Variants in NSUN4 observed in about 807,000 individuals in gnomAD.
The protein encoded by NSUN4 is NOP2/Sun RNA methyltransferase 4.
A neutral mutation model predicts 43.8 loss-of-function variants in NSUN4; 31 were observed. The ratio of observed to expected loss-of-function variants is 0.71; its 90% confidence interval spans 0.53 to 0.96. NSUN4 has a LOEUF of 0.96. NSUN4 is among the 40% of genes least tolerant of loss of function. The pLI, the probability that NSUN4 is intolerant of heterozygous loss-of-function variation, is 0.00. For missense variants in NSUN4, 439 were observed against 475.6 expected, an observed-to-expected ratio of 0.92 and a Z score of 0.72; for synonymous variants, 167 against 184.1, an observed-to-expected ratio of 0.91 and a Z score of 0.75.
rs1663924497 is a variant in NSUN4 at position 46,362,112 on chromosome 1, A to C, written c.*266A>C. 2 of 499,030 alleles carry C rather than the reference A, an allele frequency of 4.0e-6. No homozygotes were observed. 30.9% of individuals were successfully genotyped at this position (499,030 alleles called of 1,614,324 possible). A position where few individuals can be genotyped will look rare whatever the true frequency, so the allele number is the denominator to read the frequency against. ...GTTTGCTGCCCGCTTAGGGGCTTAG[A>C]AGGAGAAGCCAGTGAGCAGGCTCAC... On this transcript the variant is annotated 3_prime_UTR_variant, in exon 6 of 6. Transcript: ENST00000474844.
At chr1:46,356,178 C>T (rs2148402700) in intron 4 of NSUN4, among the ~76,000 whole-genome samples, 1 of 152,228 alleles carries the variant, frequency 6.6e-6, no homozygotes, top group South Asian at 2.1e-4. Flanking sequence ...CTTAAGTGAT[C>T]CTCCTACCTC....
In NSUN4 at chr1:46,361,683, A is replaced by G. The variant is rs1047350174; in HGVS notation, c.992A>G (p.Gln331Arg). The G allele has an allele frequency of 1.2e-6, 2 of 1,614,062 alleles. No individual in the cohort carries two copies. Among genetic ancestry groups the G allele is most frequent in the African/African-American group, 2.7e-5 (2 of 74,912 alleles). Residue 331 changes from glutamine to arginine, a missense_variant, in exon 6 of 6, where the codon CAA becomes CGA. By Grantham distance (43) the Gln-to-Arg change is conservative. Coordinates refer to ENST00000474844, the MANE Select transcript of NSUN4 (RefSeq NM_199044.4). Reference sequence around the variant, plus strand: ...GGTGCCATTGAGCTCCTGGCCAATCAATACAGCATCCAGGTACAGGTGGAA... The same window carrying G: ...GGTGCCATTGAGCTCCTGGCCAATCGATACAGCATCCAGGTACAGGTGGAA... ...VQGAIELLAN[Q>R]YSIQVQVEDL...
chr1:46,362,885 C>G lies in NSUN4; in HGVS notation c.*1039C>G, dbSNP rs1044652796. 6.6e-6 allele frequency: 1 copy of G among 151,866 alleles called. No individual in the cohort carries two copies. Among genetic ancestry groups the G allele is most frequent in the Non-Finnish European group, 1.5e-5 (1 of 68,004 alleles). 9.4% of individuals were successfully genotyped at this position (151,866 alleles called of 1,614,324 possible). ...TTTCATCATTTACTGACTGCATACT[C>G]GATATGTTGTTTTTGTAACTTTAGC... is the stretch of plus-strand genomic sequence containing the variant. On this transcript the variant is annotated 3_prime_UTR_variant, in exon 6 of 6. Transcript: ENST00000474844.
At position 46,352,949 on chromosome 1, in the gene NSUN4, TC is replaced by T; in HGVS notation, c.675del (p.Arg226GlyfsTer116). On this transcript the variant is annotated frameshift_variant, in exon 4 of 6. Coordinates refer to ENST00000474844, the MANE Select transcript of NSUN4 (RefSeq NM_199044.4). LOFTEE classifies it high-confidence loss of function. ...CTTCACAGCTATGTGCCTGAAGAGA[TC>T]AGGGATGGAAATCAAGTTCGAGTTA... is the stretch of plus-strand genomic sequence containing the variant. ...KILHSYVPEEIRDGNQVRVTS... is the reference protein window; with the variant it reads ...KILHSYVPEEXRDGNQVRVTS... 3.1e-6 allele frequency: 5 copies of T among 1,614,092 alleles called. No individual in the cohort carries two copies. Among genetic ancestry groups the T allele is most frequent in the Non-Finnish European group, 4.2e-6 (5 of 1,179,976 alleles).
Position 46,361,513 on chromosome 1 carries a change from G to A in NSUN4, c.879-57G>A, listed in dbSNP as rs1023836691. ...ATCCATGTTTCCAGCTCCTTATGTT[G>A]CTCTTCTACTGCTGGGAAGCTCACT... On this transcript the variant is annotated intron_variant, in intron 5 of 5. Transcript: ENST00000474844. 5.9e-6 allele frequency: 9 copies of A among 1,518,462 alleles called. No individual in the cohort carries two copies. The African/African-American group carries it at 1.1e-4, about 19-fold the overall frequency. 94.1% of individuals were successfully genotyped at this position (1,518,462 alleles called of 1,614,324 possible).
chr1:46,372,876 C>T, the NSUN4 span, among the ~76,000 whole-genome samples: 1 of 152,182 alleles, frequency 6.6e-6, no homozygotes, highest in South Asian at 2.1e-4. Context: ...GCACGTGCCA[C>T]CACGCCCAGT....
chr1:46,346,186 T>C (rs1428037050), intron 2 of NSUN4, among the ~76,000 whole-genome samples: 1 of 149,180 alleles, frequency 6.7e-6, no homozygotes, highest in Non-Finnish European at 1.5e-5. Context: ...TACCAAATGC[T>C]AGGCATTTAA....
chr1:46,374,105 G>A, the NSUN4 span, among the ~76,000 whole-genome samples: 4 of 151,970 alleles, frequency 2.6e-5, no homozygotes, highest in South Asian at 2.1e-4. Context: ...TGCGCAACAC[G>A]GTGAAACCCC....
the NSUN4 span, among the ~76,000 whole-genome samples, chr1:46,372,467 G>A: frequency 6.6e-6 from 1 of 152,034 alleles, no homozygotes; most frequent in African/African-American, 2.4e-5. Flanking sequence ...TACATGGCCA[G>A]GCTGAGTCTT....
chr1:46,381,090 T>G, the NSUN4 span, among the ~76,000 whole-genome samples: 1 of 152,116 alleles, frequency 6.6e-6, no homozygotes, highest in Non-Finnish European at 1.5e-5. Flanking sequence ...CTAAAACACT[T>G]GCTCTGAATC....
downstream of NSUN4, among the ~76,000 whole-genome samples, chr1:46,368,025 A>G (rs560717087): frequency 5.9e-5 from 9 of 152,252 alleles, no homozygotes; most frequent in East Asian, 1.7e-3. Context: ...TTGGCCTCCC[A>G]AAGTGCTAGG....
chr1:46,345,638 A>C (rs6697123), intron 2 of NSUN4, among the ~76,000 whole-genome samples: 34,153 of 152,180 alleles, frequency 0.22, 4,303 homozygotes, highest in Non-Finnish European at 0.29. Flanking sequence ...AGGTAGTGGG[A>C]CTTTCCTAGG....
chr1:46,353,156 T>C lies in NSUN4; in HGVS notation c.753+128T>C. ...GTAGAGCTGTTTCTGGACTGGCCAGTTCTACATTGGTGATTTGACCAAAAG... is the reference window on the plus strand; with the variant it reads ...GTAGAGCTGTTTCTGGACTGGCCAGCTCTACATTGGTGATTTGACCAAAAG... On this transcript the variant is annotated intron_variant, in intron 4 of 5. Transcript: ENST00000474844. 4 of 767,380 alleles carry C rather than the reference T, an allele frequency of 5.2e-6. No homozygotes were observed. The Admixed American group carries it at 8.2e-5, about 16-fold the overall frequency. The allele number at this position is 767,380 out of a possible 1,614,324, so 47.5% of individuals were successfully genotyped here.
intron 1 of NSUN4, 120 bp downstream of exon 1, chr1:46,341,039 AGG>A: frequency 8.9e-7 from 1 of 1,123,486 alleles, no homozygotes; most frequent in Non-Finnish European, 1.2e-6. Flanking sequence ...GAACGTCCTT[AGG>A]CACCTCCCTC....
rs112773776 is a variant in NSUN4, at chr1:46,352,970, G to A, written c.695G>A (p.Arg232Gln). Residue 232 changes from arginine (R) to glutamine (Q), a missense_variant, in exon 4 of 6, where the codon CGA becomes CAA. Physicochemically the swap from Arg to Gln is conservative, Grantham distance 43 (BLOSUM62 1). Transcript: ENST00000474844. The part of the protein sequence containing the change: ...PEEIRDGNQV[R>Q]VTSWDGRKWG... ...GAGATCAGGGATGGAAATCAAGTTC[G>A]AGTTACCTCATGGGATGGCAGGAAA... is the stretch of plus-strand genomic sequence containing the variant. 1.0e-4 allele frequency: 168 copies of A among 1,614,032 alleles called. No homozygotes were observed. Among genetic ancestry groups the A allele is most frequent in the Non-Finnish European group, 7.7e-5 (91 of 1,180,004 alleles).
rs1226027068 is a variant in NSUN4 at position 46,350,947 on chromosome 1, C to CA, written c.593-1917dup. Among the ~76,000 whole-genome samples, 14 of 152,296 alleles carry CA rather than the reference C, an allele frequency of 9.2e-5. No homozygotes were observed. The East Asian group carries it at 2.7e-3, about 29-fold the overall frequency. ...TTTGAGTCAAGAGGAAAGGATTGGG[C>CA]AAAAGAGACTCATTTCATCTCCCAA... On this transcript the variant is annotated intron_variant, in intron 3 of 5. Coordinates refer to ENST00000474844, the MANE Select transcript of NSUN4 (RefSeq NM_199044.4).
At chr1:46,372,414 G>T in the NSUN4 span, among the ~76,000 whole-genome samples, 3 of 151,930 alleles carry the variant, frequency 2.0e-5, no homozygotes, top group Admixed American at 6.6e-5. Context: ...AAATGCTGGG[G>T]TTACAGGCGT....
chr1:46,349,519 G>A (rs1662826591), intron 3 of NSUN4, among the ~76,000 whole-genome samples: 1 of 151,960 alleles, frequency 6.6e-6, no homozygotes, highest in Non-Finnish European at 1.5e-5. Flanking sequence ...TTTTCCTTTG[G>A]CCCCTGACAA....
rs1446587349 is a variant in NSUN4, at chr1:46,340,811, C to T, written c.-16C>T. The T allele has an allele frequency of 9.4e-6, 15 of 1,603,848 alleles. No homozygotes were observed. The highest frequency in any genetic ancestry group is 4.0e-5 in the African/African-American group (3 of 74,582). On this transcript the variant is annotated 5_prime_UTR_variant, in exon 1 of 6. Coordinates refer to ENST00000474844, the MANE Select transcript of NSUN4 (RefSeq NM_199044.4). ...GTCGCGGTTCCGGTCGGAATTACCCCGTGGAGCACGCCGATATGGCTGCGC... is the reference window on the plus strand; with the variant it reads ...GTCGCGGTTCCGGTCGGAATTACCCTGTGGAGCACGCCGATATGGCTGCGC...
Sources: gnomAD v4.1 joint callset for allele counts (sites outside exome capture counted in the v4.1 genomes callset) on GRCh38, gnomAD v4.1.1 for gene constraint, MANE v1.5 for transcripts, NCBI Gene and HGNC (gene_info 2026-07-23, HGNC 2026-07-21) for gene names.